Variants in NOL4 observed in about 807,000 individuals in gnomAD.
The protein encoded by NOL4 is cancer/testis antigen 125.
NOL4 carries 17 observed loss-of-function variants against 75.9 expected under a neutral mutation model. That is an observed-to-expected ratio of 0.22 (90% CI 0.15 to 0.34). The LOEUF is 0.34. Among genes scored for constraint, NOL4 ranks in the 10% least tolerant of loss-of-function variants. The pLI is 1.00. For synonymous variants in NOL4, 292 were observed against 289.9 expected (o/e 1.01, Z -0.07); for missense variants, 614 against 793.5 (o/e 0.77, Z 2.72).
At chr18:33,956,193 G>A (rs891625643) in intron 8 of NOL4, among the ~76,000 whole-genome samples, 1 of 152,092 alleles carries the variant, frequency 6.6e-6, no homozygotes. Flanking sequence ...TGCTGAATTT[G>A]AGCATCAAAG....
At chr18:34,163,180 C>G (rs1396895005) in intron 1 of NOL4, among the ~76,000 whole-genome samples, 1 of 152,134 alleles carries the variant, frequency 6.6e-6, no homozygotes, top group African/African-American at 2.4e-5. Flanking sequence ...AAAACTGGCA[C>G]AAGACAGGGA....
intron 9 of NOL4, among the ~76,000 whole-genome samples, chr18:33,932,359 G>T (rs1320021243): frequency 6.6e-6 from 1 of 151,960 alleles, no homozygotes; most frequent in African/African-American, 2.4e-5. Flanking sequence ...TTGCGTCAAA[G>T]ATTTCTTAAA....
At chr18:34,161,405 T>G (rs920142999) in intron 1 of NOL4, among the ~76,000 whole-genome samples, 1 of 152,146 alleles carries the variant, frequency 6.6e-6, no homozygotes, top group Non-Finnish European at 1.5e-5. Flanking sequence ...TATACTAATT[T>G]ACATTCCCAC....
intron 1 of NOL4, among the ~76,000 whole-genome samples, chr18:34,218,488 GC>G (rs1163163911): frequency 6.6e-6 from 1 of 152,148 alleles, no homozygotes; most frequent in Non-Finnish European, 1.5e-5. Context: ...GAAATCTCCT[GC>G]CCCTTAATAC....
chr18:33,906,006 T>G (rs1243855293), intron 9 of NOL4, among the ~76,000 whole-genome samples: 1 of 152,146 alleles, frequency 6.6e-6, no homozygotes, highest in Non-Finnish European at 1.5e-5. Flanking sequence ...CTAACTCCAT[T>G]TTGCTCCTAA....
At chr18:34,040,742 G>T (rs993248557) in intron 5 of NOL4, among the ~76,000 whole-genome samples, 2 of 151,838 alleles carry the variant, frequency 1.3e-5, no homozygotes, top group African/African-American at 4.8e-5. Context: ...TCTAACTTAG[G>T]TATCACGGAG....
chr18:34,040,629 G>C (rs1283292725), intron 5 of NOL4, among the ~76,000 whole-genome samples: 3 of 151,994 alleles, frequency 2.0e-5, no homozygotes, highest in African/African-American at 4.8e-5. Flanking sequence ...GATACGAACA[G>C]AGATAGTGTG....
intron 9 of NOL4, among the ~76,000 whole-genome samples, chr18:33,918,451 T>C (rs2066854085): frequency 6.6e-6 from 1 of 152,138 alleles, no homozygotes; most frequent in South Asian, 2.1e-4. Context: ...ATTTATAATA[T>C]AGCAAGTATC....
At chr18:33,943,211 T>A (rs779561011) in intron 8 of NOL4, 33 bp from the exon 9 acceptor site, 2 of 1,458,174 alleles carry the variant, frequency 1.4e-6, no homozygotes, top group Non-Finnish European at 1.9e-6. Flanking sequence ...ATGAAAAAAA[T>A]TATTAACAGT....
At chr18:34,200,723 A>G (rs919345498) in intron 1 of NOL4, among the ~76,000 whole-genome samples, 1 of 151,800 alleles carries the variant, frequency 6.6e-6, no homozygotes. Flanking sequence ...ACCAAAAGTC[A>G]GCTGCCAATA....
chr18:34,122,663 C>A (rs2080198227), intron 2 of NOL4, among the ~76,000 whole-genome samples: 1 of 152,156 alleles, frequency 6.6e-6, no homozygotes, highest in Non-Finnish European at 1.5e-5. Context: ...AAACTCAAGT[C>A]TAGTTGGCAT....
chr18:34,108,254 T>G (rs1161510835), intron 2 of NOL4, among the ~76,000 whole-genome samples: 2 of 151,754 alleles, frequency 1.3e-5, no homozygotes, highest in Admixed American at 6.6e-5. Context: ...TACACAAACA[T>G]CATCAAATCA....
chr18:34,188,240 T>C (rs1381877917), intron 1 of NOL4, among the ~76,000 whole-genome samples: 2 of 151,822 alleles, frequency 1.3e-5, no homozygotes, highest in African/African-American at 4.8e-5. Context: ...GCTAGGACTG[T>C]AGTAAAAAAA....
intron 5 of NOL4, among the ~76,000 whole-genome samples, chr18:34,090,332 T>C (rs563020197): frequency 6.6e-6 from 1 of 152,280 alleles, no homozygotes; most frequent in South Asian, 2.1e-4. Flanking sequence ...TTAATTAATA[T>C]GGTATTTTCA....
At chr18:33,997,571 C>T (rs2073387957) in intron 6 of NOL4, among the ~76,000 whole-genome samples, 1 of 150,832 alleles carries the variant, frequency 6.6e-6, no homozygotes, top group Non-Finnish European at 1.5e-5. Context: ...AGAACAAAGC[C>T]ACAAGCATCA....
intron 6 of NOL4, among the ~76,000 whole-genome samples, chr18:34,012,408 A>G (rs529052403): frequency 6.6e-6 from 1 of 151,998 alleles, no homozygotes; most frequent in Non-Finnish European, 1.5e-5. Flanking sequence ...TTATTTTTAA[A>G]AAATCTACTA....
intron 4 of NOL4, among the ~76,000 whole-genome samples, chr18:34,102,250 G>T (rs1310814390): frequency 1.3e-5 from 2 of 151,946 alleles, no homozygotes; most frequent in African/African-American, 4.8e-5. Context: ...AAAAGACAAA[G>T]ATTTTTCTCA....
At chr18:34,163,212 T>C (rs1483953713) in intron 1 of NOL4, among the ~76,000 whole-genome samples, 5 of 152,112 alleles carry the variant, frequency 3.3e-5, no homozygotes. Context: ...ACCACTCCTA[T>C]TCAACATAGT....
At chr18:33,863,216 A>G (rs2063257919) in intron 10 of NOL4, among the ~76,000 whole-genome samples, 1 of 152,108 alleles carries the variant, frequency 6.6e-6, no homozygotes, top group South Asian at 2.1e-4. Context: ...GTGGGAATTG[A>G]ACAATGAGAA....
Sources: gnomAD v4.1 joint callset for allele counts (sites outside exome capture counted in the v4.1 genomes callset) on GRCh38, gnomAD v4.1.1 for gene constraint, MANE v1.5 for transcripts, NCBI Gene and HGNC (gene_info 2026-07-23, HGNC 2026-07-21) for gene names.